Variants in PSMD14 observed in about 807,000 individuals in gnomAD.
PSMD14 encodes proteasome 26S subunit, non-ATPase 14, also known as ubiquitin C-terminal hydrolase PSMD14.
A neutral mutation model predicts 41.2 loss-of-function variants in PSMD14; 7 were observed. The observed-to-expected ratio is 0.17, with a 90% CI of 0.10 to 0.32. The LOEUF is 0.32. Ranked by LOEUF, PSMD14 falls within the 10% of genes least tolerant of loss-of-function variation. The pLI is 1.00. For missense variants in PSMD14, 139 were observed against 375.6 expected, an observed-to-expected ratio of 0.37 and a Z score of 5.21; for synonymous variants, 114 against 122.3, an observed-to-expected ratio of 0.93 and a Z score of 0.45.
At chr2:161,366,715 A>G (rs1683363762) in intron 3 of PSMD14, among the ~76,000 whole-genome samples, 1 of 152,180 alleles carries the variant, frequency 6.6e-6, no homozygotes, top group African/African-American at 2.4e-5. Context: ...ATAAGATTAT[A>G]GGCATCTTGA....
At chr2:161,362,891 A>G (rs1022084952) in intron 3 of PSMD14, among the ~76,000 whole-genome samples, 2 of 152,188 alleles carry the variant, frequency 1.3e-5, no homozygotes, top group Non-Finnish European at 1.5e-5. Context: ...TTTAAATTCA[A>G]GAAAATTTTC....
intron 3 of PSMD14, among the ~76,000 whole-genome samples, chr2:161,336,998 T>C (rs865903415): frequency 4.6e-5 from 7 of 152,276 alleles, no homozygotes; most frequent in Non-Finnish European, 8.8e-5. Flanking sequence ...CACTTTCATA[T>C]GAATCATTTA....
intron 3 of PSMD14, among the ~76,000 whole-genome samples, chr2:161,335,048 A>G (rs968684127): frequency 2.9e-4 from 44 of 152,260 alleles, no homozygotes; most frequent in African/African-American, 1.1e-3. Context: ...ACCATGCCTC[A>G]GAACTTCTGA....
chr2:161,372,551 T>G (rs1683450087), intron 7 of PSMD14, among the ~76,000 whole-genome samples: 2 of 151,994 alleles, frequency 1.3e-5, no homozygotes, highest in African/African-American at 4.8e-5. Flanking sequence ...ACAAAAACAG[T>G]AATAGAAACT....
intron 8 of PSMD14, among the ~76,000 whole-genome samples, chr2:161,386,447 G>T (rs79405841): frequency 0.02 from 2,982 of 151,654 alleles, 56 homozygotes; most frequent in Non-Finnish European, 0.03. Flanking sequence ...GTTAAGCCTT[G>T]GTTACACTTT....
intron 9 of PSMD14, among the ~76,000 whole-genome samples, chr2:161,394,466 T>C (rs1187073753): frequency 2.0e-5 from 3 of 152,146 alleles, no homozygotes; most frequent in Admixed American, 2.0e-4. Flanking sequence ...ACTCAATAAA[T>C]GGGGCATTTA....
At chr2:161,354,848 C>A (rs568845659) in intron 3 of PSMD14, among the ~76,000 whole-genome samples, 1 of 152,140 alleles carries the variant, frequency 6.6e-6, no homozygotes, top group Non-Finnish European at 1.5e-5. Flanking sequence ...GGTGTCATTT[C>A]CCCCTCTCCC....
In PSMD14 at chr2:161,398,906, T is replaced by TA. The variant is rs1250425502; in HGVS notation, c.771+3703_771+3704insA. Among the ~76,000 whole-genome samples the TA allele has an allele frequency of 1.0e-3, 155 of 152,174 alleles. 1 individual carries two copies. Among genetic ancestry groups the TA allele is most frequent in the African/African-American group, 3.6e-3 (151 of 41,568 alleles). On this transcript the variant is annotated intron_variant, in intron 10 of 11. Coordinates refer to ENST00000409682, the MANE Select transcript of PSMD14 (RefSeq NM_005805.6). ...GGGAAAACAGGTAAGATGATTATTATTTGGATATGATAGAATGTGTTTGCA... is the reference window on the plus strand; with the variant it reads ...GGGAAAACAGGTAAGATGATTATTATATTGGATATGATAGAATGTGTTTGCA...
intron 3 of PSMD14, among the ~76,000 whole-genome samples, chr2:161,336,893 T>G (rs1299507395): frequency 6.6e-6 from 1 of 152,222 alleles, no homozygotes; most frequent in East Asian, 1.9e-4. Context: ...ATTTTTATAT[T>G]CTTAATACAC....
intron 10 of PSMD14, among the ~76,000 whole-genome samples, chr2:161,396,113 C>T (rs976255218): frequency 6.6e-6 from 1 of 152,224 alleles, no homozygotes; most frequent in African/African-American, 2.4e-5. Context: ...AGCTGGCCAA[C>T]ACCCAGGTTG....
At chr2:161,341,628 A>G (rs1682962699) in intron 3 of PSMD14, among the ~76,000 whole-genome samples, 1 of 151,338 alleles carries the variant, frequency 6.6e-6, no homozygotes, top group South Asian at 2.1e-4. Flanking sequence ...TAACGAGGGC[A>G]GGAGATTGAG....
At chr2:161,385,241 T>C (rs1400126710) in intron 7 of PSMD14, 1 of 330,100 alleles carries the variant, frequency 3.0e-6, no homozygotes, top group African/African-American at 2.1e-5. Context: ...TCTTTACTGC[T>C]TCATGAAAAT....
chr2:161,334,665 A>G (rs1682841156), intron 3 of PSMD14, among the ~76,000 whole-genome samples: 3 of 152,260 alleles, frequency 2.0e-5, no homozygotes. Flanking sequence ...TGTTGATGGA[A>G]GAATAGAATT....
At chr2:161,391,949 G>C (rs941587149) in intron 9 of PSMD14, among the ~76,000 whole-genome samples, 4 of 152,160 alleles carry the variant, frequency 2.6e-5, no homozygotes, top group Admixed American at 6.5e-5. Flanking sequence ...ACTAAGCTGA[G>C]TCAAAGGGAA....
chr2:161,350,910 C>G (rs978586100), intron 3 of PSMD14, among the ~76,000 whole-genome samples: 2 of 152,286 alleles, frequency 1.3e-5, no homozygotes, highest in Non-Finnish European at 2.9e-5. Flanking sequence ...AAGTATTATA[C>G]TGTGGAGTGT....
At chr2:161,353,770 TG>T (rs2105248644) in intron 3 of PSMD14, among the ~76,000 whole-genome samples, 1 of 152,214 alleles carries the variant, frequency 6.6e-6, no homozygotes, top group African/African-American at 2.4e-5. Context: ...CTTTCCTACT[TG>T]TGTGTAGCTA....
intron 9 of PSMD14, 51 bp from the exon 10 acceptor site, chr2:161,395,027 A>AG: frequency 6.8e-7 from 1 of 1,462,668 alleles, no homozygotes; most frequent in South Asian, 1.4e-5. Context: ...TAGACAATGA[A>AG]GGGGGTATCC....
intron 10 of PSMD14, among the ~76,000 whole-genome samples, chr2:161,405,296 T>G (rs1683934532): frequency 6.6e-6 from 1 of 152,188 alleles, no homozygotes; most frequent in African/African-American, 2.4e-5. Context: ...CTCCCTCTGT[T>G]TCCCCAGGTG....
intron 10 of PSMD14, among the ~76,000 whole-genome samples, chr2:161,402,068 CTCTT>C (rs1230424600): frequency 6.6e-6 from 1 of 152,198 alleles, no homozygotes; most frequent in Non-Finnish European, 1.5e-5. Flanking sequence ...TGACTCCTCT[CTCTT>C]TCTCACATCT....
Sources: allele counts gnomAD v4.1 joint callset (sites outside exome capture counted in the v4.1 genomes callset), GRCh38; gene constraint gnomAD v4.1.1; transcripts MANE v1.5; gene names NCBI Gene and HGNC (gene_info 2026-07-23, HGNC 2026-07-21).